The following TENM1 variants were observed in gnomAD, a reference collection of about 807,000 sequenced individuals.
TENM1 encodes the protein teneurin transmembrane protein 1, also known as teneurin-1.
TENM1 carries 35 observed loss-of-function variants against 174.8 expected under a neutral mutation model. The ratio of observed to expected loss-of-function variants is 0.20; its 90% confidence interval spans 0.15 to 0.27. The LOEUF (loss-of-function observed/expected upper bound fraction) is 0.27. Ranked by LOEUF, TENM1 falls within the 10% of genes least tolerant of loss-of-function variation. The pLI, the probability that TENM1 is intolerant of heterozygous loss-of-function variation, is 1.00. For synonymous variants in TENM1, 781 were observed against 798.7 expected, an observed-to-expected ratio of 0.98 and a Z score of 0.37; for missense variants, 1,633 against 2,130.1, an observed-to-expected ratio of 0.77 and a Z score of 4.59.
chrX:124,392,228 G>A, exon 28 of TENM1: 1 of 1,211,249 alleles, frequency 8.3e-7, no homozygotes, highest in Non-Finnish European at 1.1e-6. Context: ...GGAGACCACA[G>A]AATGGGTCGC....
At chrX:124,656,845 G>T (rs1221334048) in intron 6 of TENM1, among the ~76,000 whole-genome samples, 1 of 111,290 alleles carries the variant, frequency 9.0e-6, no homozygotes, top group Admixed American at 9.6e-5. Flanking sequence ...CAGGTGCGGT[G>T]GCTCATGCCT....
intron 3 of TENM1, among the ~76,000 whole-genome samples, chrX:124,824,944 T>C (rs2056120507): frequency 9.0e-6 from 1 of 110,993 alleles, no homozygotes; most frequent in Admixed American, 9.7e-5. Context: ...ACATCCTAAA[T>C]CTTGCCTTAC....
intron 3 of TENM1, among the ~76,000 whole-genome samples, chrX:124,748,079 T>C (rs2053971466): frequency 9.0e-6 from 1 of 111,549 alleles, no homozygotes; most frequent in Admixed American, 9.5e-5. Context: ...GGAATTGCTC[T>C]GTTTTATGCT....
At chrX:125,023,304 G>T in the TENM1 span, among the ~76,000 whole-genome samples, 1 of 111,409 alleles carries the variant, frequency 9.0e-6, no homozygotes, top group South Asian at 3.8e-4. Flanking sequence ...GCTGCCATGT[G>T]AGACGTGCCT....
chrX:125,101,036 TC>T, the TENM1 span, among the ~76,000 whole-genome samples: 1 of 111,478 alleles, frequency 9.0e-6, no homozygotes, highest in Admixed American at 9.6e-5. Context: ...AGATTCTCAA[TC>T]CCTCATCTTT....
chrX:125,025,883 G>T, the TENM1 span, among the ~76,000 whole-genome samples: 1 of 111,397 alleles, frequency 9.0e-6, no homozygotes, highest in African/African-American at 3.3e-5. Context: ...GGTTGCAAAA[G>T]TACTACATAC....
intron 5 of TENM1, among the ~76,000 whole-genome samples, chrX:124,682,498 A>G (rs2052260320): frequency 9.0e-6 from 1 of 111,392 alleles, no homozygotes; most frequent in Non-Finnish European, 1.9e-5. Flanking sequence ...AAGTAAGGGA[A>G]TCTGTCTGCA....
chrX:125,105,214 A>G, the TENM1 span, among the ~76,000 whole-genome samples: 2 of 111,642 alleles, frequency 1.8e-5, no homozygotes, highest in Non-Finnish European at 3.8e-5. Context: ...ATCTGTAACT[A>G]CAGAGTTCCA....
intron 4 of TENM1, among the ~76,000 whole-genome samples, chrX:124,711,731 G>A (rs764782654): frequency 3.7e-4 from 41 of 111,533 alleles, no homozygotes; most frequent in Middle Eastern, 4.7e-3. Flanking sequence ...ATAAAATTTC[G>A]CATGTTAAAT....
intron 3 of TENM1, among the ~76,000 whole-genome samples, chrX:124,859,879 T>C (rs940667906): frequency 2.7e-5 from 3 of 112,472 alleles, no homozygotes; most frequent in East Asian, 5.6e-4. Flanking sequence ...TTGTGAGTCA[T>C]ATTTCACATA....
intron 19 of TENM1, among the ~76,000 whole-genome samples, chrX:124,497,686 G>A (rs2047232147): frequency 9.0e-6 from 1 of 111,471 alleles, no homozygotes; most frequent in African/African-American, 3.3e-5. Context: ...ACCAGTTCCT[G>A]AAACGAGAAT....
chrX:124,569,179 C>G (rs954778659), intron 11 of TENM1, among the ~76,000 whole-genome samples: 2 of 110,699 alleles, frequency 1.8e-5, no homozygotes, highest in Non-Finnish European at 3.8e-5. Flanking sequence ...GCCTGGGCAA[C>G]AGAGTGAGGC....
At chrX:124,853,739 T>G (rs2147407957) in intron 3 of TENM1, among the ~76,000 whole-genome samples, 1 of 111,118 alleles carries the variant, frequency 9.0e-6, no homozygotes, top group South Asian at 3.8e-4. Context: ...TCGAGACAGC[T>G]GGGCAGTTTT....
the TENM1 span, among the ~76,000 whole-genome samples, chrX:125,114,264 G>A: frequency 8.9e-6 from 1 of 111,788 alleles, no homozygotes. Flanking sequence ...CTAAAGCAGT[G>A]TTTAGAGGGA....
At chrX:125,006,396 C>G in the TENM1 span, among the ~76,000 whole-genome samples, 1 of 111,887 alleles carries the variant, frequency 8.9e-6, no homozygotes. Context: ...TCTCACCTAC[C>G]TGGGACAGAG....
the TENM1 span, among the ~76,000 whole-genome samples, chrX:125,109,795 CG>C: frequency 9.0e-6 from 1 of 111,419 alleles, no homozygotes; most frequent in Non-Finnish European, 1.9e-5. Flanking sequence ...GTCGACAAAT[CG>C]GGCTTGAGTA....
the TENM1 span, among the ~76,000 whole-genome samples, chrX:125,064,400 A>G: frequency 2.7e-5 from 3 of 111,248 alleles, no homozygotes; most frequent in African/African-American, 3.3e-5. Context: ...TATTGAAGCA[A>G]GAAAAAAACA....
intron 23 of TENM1, among the ~76,000 whole-genome samples, chrX:124,437,319 C>T (rs924938152): frequency 1.8e-5 from 2 of 109,717 alleles, no homozygotes; most frequent in African/African-American, 6.7e-5. Context: ...CAGCAATACA[C>T]TATTGTAGGT....
At chrX:124,550,503 T>C (rs1191116169) in intron 14 of TENM1, among the ~76,000 whole-genome samples, 1 of 111,699 alleles carries the variant, frequency 9.0e-6, no homozygotes, top group Non-Finnish European at 1.9e-5. Context: ...AGGTTGATAT[T>C]CTCATCCCTA....
Sources: gnomAD v4.1 joint callset for allele counts (sites outside exome capture counted in the v4.1 genomes callset) on GRCh38, gnomAD v4.1.1 for gene constraint, MANE v1.5 for transcripts, NCBI Gene and HGNC (gene_info 2026-07-23, HGNC 2026-07-21) for gene names.